Variants in RALYL observed in about 807,000 individuals in gnomAD.
RALYL encodes RNA-binding Raly-like protein.
A neutral mutation model predicts 35.1 loss-of-function variants in RALYL; 29 were observed. The ratio of observed to expected loss-of-function variants is 0.83; its 90% confidence interval spans 0.61 to 1.13. The LOEUF (loss-of-function observed/expected upper bound fraction) is 1.13. RALYL is among the 50% of genes most tolerant of loss of function. The pLI is 0.00. For missense variants in RALYL, 359 were observed against 360.4 expected, an observed-to-expected ratio of 1.00 and a Z score of 0.03; for synonymous variants, 120 against 127.6, an observed-to-expected ratio of 0.94 and a Z score of 0.40.
At chr8:84,591,584 G>C (rs996651192) in intron 2 of RALYL, among the ~76,000 whole-genome samples, 2 of 152,150 alleles carry the variant, frequency 1.3e-5, no homozygotes, top group African/African-American at 2.4e-5. Flanking sequence ...TGGGCTGTTT[G>C]TTATACCAAT....
chr8:84,555,825 T>A (rs971265899), intron 2 of RALYL, among the ~76,000 whole-genome samples: 1 of 152,142 alleles, frequency 6.6e-6, no homozygotes, highest in Non-Finnish European at 1.5e-5. Context: ...TATATAATGA[T>A]CAAGCTATTT....
At chr8:84,685,927 A>T (rs1324463872) in intron 2 of RALYL, among the ~76,000 whole-genome samples, 1 of 152,150 alleles carries the variant, frequency 6.6e-6, no homozygotes, top group Non-Finnish European at 1.5e-5. Flanking sequence ...AATCAGAGGA[A>T]AGGTTGTATT....
At chr8:84,471,779 T>C (rs2052789042) in intron 1 of RALYL, among the ~76,000 whole-genome samples, 1 of 152,212 alleles carries the variant, frequency 6.6e-6, no homozygotes, top group African/African-American at 2.4e-5. Context: ...ATCTGTAAAA[T>C]GGCAATACTA....
At chr8:84,694,873 G>C (rs1255197213) in intron 2 of RALYL, among the ~76,000 whole-genome samples, 1 of 151,576 alleles carries the variant, frequency 6.6e-6, no homozygotes, top group Admixed American at 6.6e-5. Context: ...CATCTACATG[G>C]GTATAGCCAG....
chr8:84,861,687 A>C (rs1335063324), intron 5 of RALYL, among the ~76,000 whole-genome samples: 1 of 152,216 alleles, frequency 6.6e-6, no homozygotes, highest in Non-Finnish European at 1.5e-5. Context: ...ATGTCATTCA[A>C]ACTGTCTCCT....
intron 2 of RALYL, among the ~76,000 whole-genome samples, chr8:84,666,493 G>A (rs1832081015): frequency 6.6e-6 from 1 of 151,994 alleles, no homozygotes; most frequent in South Asian, 2.1e-4. Flanking sequence ...GGAATGGAAA[G>A]GCATTGAAAA....
At chr8:84,777,193 C>G (rs910781582) in intron 3 of RALYL, among the ~76,000 whole-genome samples, 3 of 152,144 alleles carry the variant, frequency 2.0e-5, no homozygotes, top group Admixed American at 6.5e-5. Context: ...GACAAGATCA[C>G]AGGATTAGGA....
intron 1 of RALYL, among the ~76,000 whole-genome samples, chr8:84,527,526 A>G (rs2058989696): frequency 6.6e-6 from 1 of 152,232 alleles, no homozygotes; most frequent in African/African-American, 2.4e-5. Context: ...TATATGTCAC[A>G]TGAGATCACA....
At chr8:84,856,431 CA>C (rs1222914394) in intron 5 of RALYL, among the ~76,000 whole-genome samples, 1 of 152,100 alleles carries the variant, frequency 6.6e-6, no homozygotes, top group Non-Finnish European at 1.5e-5. Flanking sequence ...GTATTAGAAT[CA>C]AAATATTGCA....
intron 7 of RALYL, among the ~76,000 whole-genome samples, chr8:84,886,999 C>T (rs1253151859): frequency 6.6e-6 from 1 of 152,062 alleles, no homozygotes; most frequent in Admixed American, 6.6e-5. Flanking sequence ...GTTGTCTGAC[C>T]CCAGAATTTA....
Position 84,497,098 on chromosome 8 carries a change from G to A in RALYL, c.-23-32201G>A, listed in dbSNP as rs531711805. ...TAGGCTTATGGTCTAAGATGAGGCC[G>A]CTTACCATCCATGAAAACCTCCATC... On this transcript the variant is annotated intron_variant, in intron 1 of 8. Coordinates refer to ENST00000521268, the MANE Select transcript of RALYL (RefSeq NM_173848.7). Among the ~76,000 whole-genome samples, 10 of 152,134 alleles carry A rather than the reference G, an allele frequency of 6.6e-5. No homozygotes were observed. In the East Asian group the frequency reaches 9.7e-4, roughly 15 times the overall value.
intron 2 of RALYL, among the ~76,000 whole-genome samples, chr8:84,570,628 T>G (rs1247160161): frequency 1.3e-5 from 2 of 151,856 alleles, no homozygotes; most frequent in East Asian, 1.9e-4. Flanking sequence ...TGAATAGGAG[T>G]GAGGAGTGTG....
At chr8:84,604,415 A>G (rs1816665068) in intron 2 of RALYL, among the ~76,000 whole-genome samples, 1 of 152,124 alleles carries the variant, frequency 6.6e-6, no homozygotes, top group South Asian at 2.1e-4. Context: ...TAGATCCAGA[A>G]GTTCCCTCCG....
At chr8:84,184,745 G>C in intron 1 of RALYL, 1 of 406,912 alleles carries the variant, frequency 2.5e-6, no homozygotes, top group Non-Finnish European at 4.3e-6. Flanking sequence ...GGCACTAGGC[G>C]GCCGGCGGGC....
chr8:84,714,925 A>G (rs1172059975), intron 2 of RALYL, among the ~76,000 whole-genome samples: 1 of 151,918 alleles, frequency 6.6e-6, no homozygotes, highest in Non-Finnish European at 1.5e-5. Context: ...TAGGGAATAT[A>G]TGCATTGTTG....
intron 7 of RALYL, among the ~76,000 whole-genome samples, chr8:84,877,153 T>C (rs1271364494): frequency 6.6e-6 from 1 of 152,204 alleles, no homozygotes; most frequent in East Asian, 1.9e-4. Flanking sequence ...GAAAAGAAAC[T>C]TAATGTCTAA....
At chr8:84,713,989 G>A (rs1842588507) in intron 2 of RALYL, among the ~76,000 whole-genome samples, 1 of 150,944 alleles carries the variant, frequency 6.6e-6, no homozygotes, top group African/African-American at 2.4e-5. Flanking sequence ...GATTATATGA[G>A]ATATATGTAT....
At chr8:84,711,648 G>A (rs575781646) in intron 2 of RALYL, among the ~76,000 whole-genome samples, 8 of 152,240 alleles carry the variant, frequency 5.3e-5, no homozygotes, top group African/African-American at 1.7e-4. Flanking sequence ...CAAGGCTGTT[G>A]CCAGTCTCAA....
intron 1 of RALYL, among the ~76,000 whole-genome samples, chr8:84,349,399 G>A (rs940625078): frequency 1.9e-4 from 28 of 150,320 alleles, no homozygotes; most frequent in African/African-American, 6.9e-4. Flanking sequence ...AGGTATTACA[G>A]TTTAAGAAAC....
Sources: gnomAD v4.1 joint callset for allele counts (sites outside exome capture counted in the v4.1 genomes callset) on GRCh38, gnomAD v4.1.1 for gene constraint, MANE v1.5 for transcripts, NCBI Gene and HGNC (gene_info 2026-07-23, HGNC 2026-07-21) for gene names.